Variants in AGBL4 observed in about 807,000 individuals in gnomAD.
The protein encoded by AGBL4 is AGBL carboxypeptidase 4.
Under a neutral mutation model 66.4 loss-of-function variants are expected in AGBL4, and 58 were observed. The observed-to-expected ratio is 0.87, with a 90% CI of 0.71 to 1.09. The LOEUF is 1.09. Ranked by LOEUF, AGBL4 falls within the 50% of genes least tolerant of loss-of-function variation. The pLI, the probability that AGBL4 is intolerant of heterozygous loss-of-function variation, is 0.00. For missense variants in AGBL4, 579 were observed against 631.0 expected (o/e 0.92, Z 0.88); for synonymous variants, 234 against 222.9 (o/e 1.05, Z -0.44).
chr1:49,530,280 A>AAAAAAAAAAAAAAAAAAAAAT lies in AGBL4; in HGVS notation c.282+167032_282+167033insATTTTTTTTTTTTTTTTTTTT, dbSNP rs1165391996. Among the ~76,000 whole-genome samples the AAAAAAAAAAAAAAAAAAAAAT allele has an allele frequency of 3.4e-5, 5 of 148,000 alleles. 1 individual carries two copies. The highest frequency in any genetic ancestry group is 6.7e-5 in the Admixed American group (1 of 14,864). On this transcript the variant is annotated intron_variant, in intron 3 of 13. Coordinates refer to ENST00000371839, the MANE Select transcript of AGBL4 (RefSeq NM_032785.4). ...TTTGTAAAAAAAAAAAAACAAAAAA[A>AAAAAAAAAAAAAAAAAAAAAT]AACTCTATGAGTTTTTTTTTATTAT... is the stretch of plus-strand genomic sequence containing the variant.
chr1:48,841,298 T>C (rs967888128), intron 6 of AGBL4, among the ~76,000 whole-genome samples: 1 of 152,034 alleles, frequency 6.6e-6, no homozygotes, highest in African/African-American at 2.4e-5. Context: ...AGCTTTCCCA[T>C]ATTGGCATTA....
chr1:49,208,749 A>T (rs76965805), intron 4 of AGBL4, among the ~76,000 whole-genome samples: 118 of 152,262 alleles, frequency 7.7e-4, no homozygotes, highest in African/African-American at 2.8e-3. Flanking sequence ...ATAAAAATAA[A>T]ATTAATTCAA....
intron 11 of AGBL4, among the ~76,000 whole-genome samples, chr1:48,564,829 G>A (rs1336836351): frequency 1.3e-5 from 2 of 152,162 alleles, no homozygotes; most frequent in African/African-American, 4.8e-5. Context: ...CTACAGGACG[G>A]AGTCAGCCAT....
chr1:49,489,293 C>T (rs991687151), intron 3 of AGBL4, among the ~76,000 whole-genome samples: 4 of 151,646 alleles, frequency 2.6e-5, no homozygotes, highest in Non-Finnish European at 5.9e-5. Flanking sequence ...GATGTTGAGC[C>T]TCATTTCATA....
chr1:48,565,828 G>T (rs1450683681), intron 11 of AGBL4, among the ~76,000 whole-genome samples: 1 of 152,208 alleles, frequency 6.6e-6, no homozygotes, highest in Non-Finnish European at 1.5e-5. Flanking sequence ...GGCAGTACCT[G>T]CCACATAACT....
intron 1 of AGBL4, among the ~76,000 whole-genome samples, chr1:50,012,859 A>T (rs1661655549): frequency 6.6e-6 from 1 of 152,162 alleles, no homozygotes. Context: ...TCTGAGAACA[A>T]CTTTTTTGCC....
intron 4 of AGBL4, among the ~76,000 whole-genome samples, chr1:49,227,696 T>C (rs1650016880): frequency 6.6e-6 from 1 of 152,248 alleles, no homozygotes; most frequent in Admixed American, 6.5e-5. Flanking sequence ...TTGTATGATT[T>C]ATGTAGAAAT....
chr1:49,815,723 T>C (rs1025517900), intron 2 of AGBL4, among the ~76,000 whole-genome samples: 1 of 152,232 alleles, frequency 6.6e-6, no homozygotes, highest in Non-Finnish European at 1.5e-5. Flanking sequence ...TAGCGTGAGA[T>C]GCTATTTCAT....
chr1:49,058,341 G>C (rs1375951418), intron 4 of AGBL4, among the ~76,000 whole-genome samples: 1 of 152,114 alleles, frequency 6.6e-6, no homozygotes, highest in Middle Eastern at 3.2e-3. Context: ...CTGTTCTTGT[G>C]ATAGTGAGTG....
At chr1:48,791,568 G>C (rs1645550911) in intron 6 of AGBL4, among the ~76,000 whole-genome samples, 1 of 152,206 alleles carries the variant, frequency 6.6e-6, no homozygotes, top group Non-Finnish European at 1.5e-5. Context: ...TACTGAAACA[G>C]AGGTAAGAGA....
At chr1:49,704,704 G>A (rs1647170676) in intron 2 of AGBL4, among the ~76,000 whole-genome samples, 1 of 152,080 alleles carries the variant, frequency 6.6e-6, no homozygotes, top group Admixed American at 6.6e-5. Context: ...CCCATTGCTT[G>A]TTTTTGTCAG....
intron 4 of AGBL4, among the ~76,000 whole-genome samples, chr1:49,223,485 G>A (rs993892478): frequency 6.6e-6 from 1 of 152,196 alleles, no homozygotes; most frequent in Non-Finnish European, 1.5e-5. Context: ...CAGCTGTTAT[G>A]TTTCGTTTCT....
rs1029798541 is a variant in AGBL4 at position 48,564,972 on chromosome 1, C to G, written c.1267+22032G>C. Among the ~76,000 whole-genome samples, 30 of 152,204 alleles carry G rather than the reference C, an allele frequency of 2.0e-4. 1 individual carries two copies. The highest frequency in any genetic ancestry group is 7.0e-4 in the African/African-American group (29 of 41,442). On this transcript the variant is annotated intron_variant, in intron 11 of 13. Coordinates refer to ENST00000371839, the MANE Select transcript of AGBL4 (RefSeq NM_032785.4). ...ATCTCCATGCATCTGGCTCCCTGTTCAGGGGAATTTTCACAGTCTGTGCTG... is the reference window on the plus strand; with the variant it reads ...ATCTCCATGCATCTGGCTCCCTGTTGAGGGGAATTTTCACAGTCTGTGCTG...
intron 3 of AGBL4, among the ~76,000 whole-genome samples, chr1:49,440,412 C>A (rs760228182): frequency 6.6e-6 from 1 of 152,078 alleles, no homozygotes; most frequent in Non-Finnish European, 1.5e-5. Context: ...TAGTCCTTGG[C>A]GTGAACTGTA....
chr1:48,665,654 A>G (rs1646174383), intron 6 of AGBL4, among the ~76,000 whole-genome samples: 1 of 152,138 alleles, frequency 6.6e-6, no homozygotes. Context: ...TCCAGTAAAA[A>G]CAATATAAGA....
chr1:48,617,677 C>T (rs892810480), intron 9 of AGBL4, among the ~76,000 whole-genome samples: 9 of 152,100 alleles, frequency 5.9e-5, no homozygotes, highest in African/African-American at 1.2e-4. Context: ...ACGGGCTGGC[C>T]GTTGTTTCTC....
At chr1:49,032,604 G>T (rs1664320133) in intron 5 of AGBL4, among the ~76,000 whole-genome samples, 1 of 152,152 alleles carries the variant, frequency 6.6e-6, no homozygotes, top group Non-Finnish European at 1.5e-5. Flanking sequence ...GGAGAACTGG[G>T]ACATTCTGGT....
intron 3 of AGBL4, among the ~76,000 whole-genome samples, chr1:49,553,403 T>C (rs976459638): frequency 2.6e-5 from 4 of 152,220 alleles, no homozygotes; most frequent in African/African-American, 9.6e-5. Flanking sequence ...TTACATTTCT[T>C]ATAATAAAAT....
At chr1:48,529,099 C>T (rs892582957), downstream of AGBL4, among the ~76,000 whole-genome samples, 1 of 152,024 alleles carries the variant, frequency 6.6e-6, no homozygotes, top group Non-Finnish European at 1.5e-5. Context: ...TGAGCACAGA[C>T]TCTGCTACGT....
Sources: allele counts gnomAD v4.1 joint callset (sites outside exome capture counted in the v4.1 genomes callset), GRCh38; gene constraint gnomAD v4.1.1; transcripts MANE v1.5; gene names NCBI Gene and HGNC (gene_info 2026-07-23, HGNC 2026-07-21).